HEXIM1: variants seen among roughly 807,000 people sequenced by gnomAD.
HEXIM1 encodes the protein HEXIM P-TEFb complex subunit 1.
HEXIM1 carries 1 observed loss-of-function variant against 30.3 expected under a neutral mutation model. That is an observed-to-expected ratio of 0.03 (90% CI 0.01 to 0.16). HEXIM1 has a LOEUF of 0.16. Among genes scored for constraint, HEXIM1 ranks in the 10% least tolerant of loss-of-function variants. The pLI is 1.00. For missense variants in HEXIM1, 391 were observed against 476.4 expected, an observed-to-expected ratio of 0.82 and a Z score of 1.67; for synonymous variants, 245 against 208.3, an observed-to-expected ratio of 1.18 and a Z score of -1.52.
Position 45,150,484 on chromosome 17 carries a change from GT to G in HEXIM1, c.*218del. 1.9e-6 allele frequency: 1 copy of G among 537,438 alleles called. No homozygotes were observed. Among genetic ancestry groups the G allele is most frequent in the East Asian group, 3.2e-5 (1 of 31,480 alleles). 33.3% of individuals were successfully genotyped at this position (537,438 alleles called of 1,614,324 possible). A position where few individuals can be genotyped will look rare whatever the true frequency, so the allele number is the denominator to read the frequency against. ...GTGAAACTGAAGAGTTGCTTTTCTTGTTTTCCTTTTTAGAAGTTTTTTTCCT... is the reference window on the plus strand; with the variant it reads ...GTGAAACTGAAGAGTTGCTTTTCTTGTTTCCTTTTTAGAAGTTTTTTTCCT... On this transcript the variant is annotated 3_prime_UTR_variant, in exon 1 of 1. Coordinates refer to ENST00000332499, the MANE Select transcript of HEXIM1 (RefSeq NM_006460.3).
At position 45,149,105 on chromosome 17, in the gene HEXIM1, C is replaced by CTT. The variant is rs111687345; in HGVS notation, c.-82_-81dup. ...GACTCTGTTGGACTGTTTTTTTTTT[C>CTT]TTTTTCTTTTTTTTAAGAAAAACCC... is the stretch of plus-strand genomic sequence containing the variant. On this transcript the variant is annotated 5_prime_UTR_variant, in exon 1 of 1. Transcript: ENST00000332499. This position sits in a 1 kb window ranked among gnomAD's most constrained non-coding sequence, Gnocchi z 5.3. The CTT allele has an allele frequency of 0.057, 63,740 of 1,128,036 alleles. 1,087 individuals are homozygous for CTT. The highest frequency in any genetic ancestry group is 0.087 in the African/African-American group (5,177 of 59,436). 69.9% of individuals were successfully genotyped at this position (1,128,036 alleles called of 1,614,324 possible).
At position 45,149,371 on chromosome 17, in the gene HEXIM1, C is replaced by A; in HGVS notation, c.181C>A (p.Pro61Thr). 6.2e-7 allele frequency: 1 copy of A among 1,613,384 alleles called. No individual in the cohort carries two copies. The highest frequency in any genetic ancestry group is 8.5e-7 in the Non-Finnish European group (1 of 1,179,924). Residue 61 changes from proline to threonine, a missense_variant, in exon 1 of 1, where the codon CCG (proline) becomes ACG (threonine). Pro to Thr is a conservative substitution (Grantham distance 38). Transcript: ENST00000332499. This position sits in a 1 kb window ranked among gnomAD's most constrained non-coding sequence, Gnocchi z 5.3. ...AFPQLGGRPGPEGEGSLESQP... is the reference protein window; with the variant it reads ...AFPQLGGRPGTEGEGSLESQP... ...CCCCCAGTTGGGTGGCCGTCCGGGG[C>A]CGGAGGGGGAAGGGAGCCTGGAATC...
chr17:45,149,242 T>TGTACA lies in HEXIM1; in HGVS notation c.54_58dup (p.Gly20ValfsTer11). The TGTACA allele has an allele frequency of 6.2e-7, 1 of 1,613,840 alleles. No homozygotes were observed. Among genetic ancestry groups the TGTACA allele is most frequent in the Non-Finnish European group, 8.5e-7 (1 of 1,180,024 alleles). Reference sequence around the variant, plus strand: ...TCAACACCAGCCTCAAACTAGCAACTGTACAGGTGCTGCTGCTGTCCAGGA... The same window carrying TGTACA: ...TCAACACCAGCCTCAAACTAGCAACTGTACAGTACAGGTGCTGCTGCTGTCCAGGA... On this transcript the variant is annotated frameshift_variant, in exon 1 of 1. Transcript: ENST00000332499. LOFTEE classifies it high-confidence loss of function. This position sits in a 1 kb window ranked among gnomAD's most constrained non-coding sequence, Gnocchi z 5.3.
In HEXIM1 at chr17:45,148,769, C is replaced by T. The variant is rs1302538407; in HGVS notation, c.-422C>T. On this transcript the variant is annotated 5_prime_UTR_variant, in exon 1 of 1. Transcript: ENST00000332499. ...GGGCTCTGCGGCAGGGGATTTAACC[C>T]TTTGTGGATCTGGCCCCTCGGAGGC... 2 of 402,838 alleles carry T rather than the reference C, an allele frequency of 5.0e-6. No individual in the cohort carries two copies. Among genetic ancestry groups the T allele is most frequent in the Non-Finnish European group, 8.8e-6 (2 of 228,318 alleles). The allele number at this position is 402,838 out of a possible 1,614,324, so 25.0% of individuals were successfully genotyped here.
At position 45,149,069 on chromosome 17, in the gene HEXIM1, A is replaced by G; in HGVS notation, c.-122A>G. ...CTAAAGGCGTCACTGCAGGAATTAC[A>G]AACTGAAGAGGACTCTGTTGGACTG... On this transcript the variant is annotated 5_prime_UTR_variant, in exon 1 of 1. Coordinates refer to ENST00000332499, the MANE Select transcript of HEXIM1 (RefSeq NM_006460.3). The surrounding 1 kb of genome is among the most constrained non-coding windows in gnomAD (Gnocchi z 5.3). 1.9e-6 allele frequency: 2 copies of G among 1,038,300 alleles called. No homozygotes were observed. Among genetic ancestry groups the G allele is most frequent in the South Asian group, 1.6e-5 (1 of 61,386 alleles). The allele number at this position is 1,038,300 out of a possible 1,614,324, so 64.3% of individuals were successfully genotyped here. A position where few individuals can be genotyped will look rare whatever the true frequency, so the allele number is the denominator to read the frequency against.
chr17:45,151,988 C>T lies in HEXIM1; in HGVS notation c.*1718C>T. Reference sequence around the variant, plus strand: ...TTATACCAGTAGGACTGAATCAGGGCCTTCAAAGCTGGACTGAGTTGGTCC... The same window carrying T: ...TTATACCAGTAGGACTGAATCAGGGTCTTCAAAGCTGGACTGAGTTGGTCC... On this transcript the variant is annotated 3_prime_UTR_variant, in exon 1 of 1. Coordinates refer to ENST00000332499, the MANE Select transcript of HEXIM1 (RefSeq NM_006460.3). 1 of 167,206 alleles carries T rather than the reference C, an allele frequency of 6.0e-6. No homozygotes were observed. The allele number at this position is 167,206 out of a possible 1,614,324, so 10.4% of individuals were successfully genotyped here.
In HEXIM1 at chr17:45,149,402, C is replaced by G. The variant is rs1024700122; in HGVS notation, c.212C>G (p.Pro71Arg). Reference sequence around the variant, plus strand: ...GGGGAAGGGAGCCTGGAATCCCAACCACCTCCCTTGCAGACCCAGGCCTGT... The same window carrying G: ...GGGGAAGGGAGCCTGGAATCCCAACGACCTCCCTTGCAGACCCAGGCCTGT... Reference protein sequence around the residue: ...PEGEGSLESQPPPLQTQACPE... With the variant: ...PEGEGSLESQRPPLQTQACPE... Residue 71 changes from proline to arginine, a missense_variant, in exon 1 of 1, where the codon CCA becomes CGA. Pro to Arg is a moderately radical substitution (Grantham distance 103, BLOSUM62 -2). Coordinates refer to ENST00000332499, the MANE Select transcript of HEXIM1 (RefSeq NM_006460.3). This position sits in a 1 kb window ranked among gnomAD's most constrained non-coding sequence, Gnocchi z 5.3. 2.5e-6 allele frequency: 4 copies of G among 1,613,362 alleles called. No homozygotes were observed. Among genetic ancestry groups the G allele is most frequent in the Non-Finnish European group, 2.5e-6 (3 of 1,179,946 alleles).
chr17:45,149,528 C>T lies in HEXIM1; in HGVS notation c.338C>T (p.Pro113Leu), dbSNP rs1210709779. 1.2e-6 allele frequency: 2 copies of T among 1,606,874 alleles called. No homozygotes were observed. The highest frequency in any genetic ancestry group is 8.5e-7 in the Non-Finnish European group (1 of 1,177,242). Reference sequence around the variant, plus strand: ...CCGCCGGCAGAAGTGGAACCGACGCCCGAGGCCGAGCTGCTCGCCCAGCCT... The same window carrying T: ...CCGCCGGCAGAAGTGGAACCGACGCTCGAGGCCGAGCTGCTCGCCCAGCCT... ...FPPPAEVEPT[P>L]EAELLAQPCH... Residue 113 changes from proline to leucine, a missense_variant, in exon 1 of 1, where the codon CCC becomes CTC. This residue lies in a region of HEXIM1 where 230 missense variants were observed against 199.4 expected (regional missense o/e 1.15). Coordinates refer to ENST00000332499, the MANE Select transcript of HEXIM1 (RefSeq NM_006460.3). This position sits in a 1 kb window ranked among gnomAD's most constrained non-coding sequence, Gnocchi z 5.3.
Position 45,149,237 on chromosome 17 carries a change from G to C in HEXIM1, c.47G>C (p.Ser16Thr), listed in dbSNP as rs373817429. The C allele has an allele frequency of 1.2e-5, 19 of 1,613,612 alleles. No homozygotes were observed. In the African/African-American group the frequency reaches 2.3e-4, roughly 19 times the overall value. Residue 16 changes from serine (S) to threonine (T), a missense_variant, in exon 1 of 1, where the codon AGC becomes ACC. Coordinates refer to ENST00000332499, the MANE Select transcript of HEXIM1 (RefSeq NM_006460.3). The surrounding 1 kb of genome is among the most constrained non-coding windows in gnomAD (Gnocchi z 5.3). ...GAATATCAACACCAGCCTCAAACTA[G>C]CAACTGTACAGGTGCTGCTGCTGTC... ...LSEYQHQPQTSNCTGAAAVQE... is the reference protein window; with the variant it reads ...LSEYQHQPQTTNCTGAAAVQE...
chr17:45,150,389 T>G lies in HEXIM1; in HGVS notation c.*119T>G. ...TTATGACACATAATCAGAAGAGAAA[T>G]CCCCCTGGCTTTGGTTTCGTAAATT... On this transcript the variant is annotated 3_prime_UTR_variant, in exon 1 of 1. Transcript: ENST00000332499. The G allele has an allele frequency of 8.4e-7, 1 of 1,192,760 alleles. No individual in the cohort carries two copies. Among genetic ancestry groups the G allele is most frequent in the South Asian group, 1.6e-5 (1 of 62,374 alleles). The allele number at this position is 1,192,760 out of a possible 1,614,324, so 73.9% of individuals were successfully genotyped here.
chr17:45,149,732 AAC>A lies in HEXIM1; in HGVS notation c.544_545del (p.Gln182GlufsTer22). ...GAAGAGAAGAAAAAGTTCGACGAGA[AAC>A]AGAGCCTTCGAGCTTCAAGGATCCG... On this transcript the variant is annotated frameshift_variant, in exon 1 of 1. Coordinates refer to ENST00000332499, the MANE Select transcript of HEXIM1 (RefSeq NM_006460.3). LOFTEE classifies it high-confidence loss of function. The surrounding 1 kb of genome is among the most constrained non-coding windows in gnomAD (Gnocchi z 5.3). The A allele has an allele frequency of 6.2e-7, 1 of 1,613,582 alleles. No homozygotes were observed. Among genetic ancestry groups the A allele is most frequent in the Non-Finnish European group, 8.5e-7 (1 of 1,180,000 alleles).
rs1368307115 is a variant in HEXIM1, at chr17:45,149,148, C to T, written c.-43C>T. 8 of 1,496,016 alleles carry T rather than the reference C, an allele frequency of 5.3e-6. No homozygotes were observed. The highest frequency in any genetic ancestry group is 2.4e-5 in the East Asian group (1 of 42,470). The allele number at this position is 1,496,016 out of a possible 1,614,324, so 92.7% of individuals were successfully genotyped here. On this transcript the variant is annotated 5_prime_UTR_variant, in exon 1 of 1. Transcript: ENST00000332499. This position sits in a 1 kb window ranked among gnomAD's most constrained non-coding sequence, Gnocchi z 5.3. ...AAAAACCCATTTTTTTCCTTAAGGA[C>T]TTACTAGCCAAAATTTCTTAAACTT...
In HEXIM1 at chr17:45,150,039, C is replaced by T. The variant is rs1278714877; in HGVS notation, c.849C>T (p.Ser283=). 2.5e-6 allele frequency: 4 copies of T among 1,614,066 alleles called. No homozygotes were observed. Among genetic ancestry groups the T allele is most frequent in the Non-Finnish European group, 3.4e-6 (4 of 1,180,030 alleles). The change falls in exon 1 of 1, where the codon AGC becomes AGT. Residue 283 remains serine (S), a synonymous_variant. Transcript: ENST00000332499. ...RYHTESLQNM[S]KQELIKEYLE... ...ACACGGAGAGCCTGCAGAACATGAG[C>T]AAGCAGGAGCTCATCAAGGAGTACC...
rs1340380408 is a variant in HEXIM1, at chr17:45,150,386, A to G, written c.*116A>G. On this transcript the variant is annotated 3_prime_UTR_variant, in exon 1 of 1. Transcript: ENST00000332499. ...TTTTTATGACACATAATCAGAAGAGAAATCCCCCTGGCTTTGGTTTCGTAA... is the reference window on the plus strand; with the variant it reads ...TTTTTATGACACATAATCAGAAGAGGAATCCCCCTGGCTTTGGTTTCGTAA... 2 of 1,257,306 alleles carry G rather than the reference A, an allele frequency of 1.6e-6. No homozygotes were observed. The highest frequency in any genetic ancestry group is 2.4e-5 in the African/African-American group (1 of 41,052). The allele number at this position is 1,257,306 out of a possible 1,614,324, so 77.9% of individuals were successfully genotyped here. A position where few individuals can be genotyped will look rare whatever the true frequency, so the allele number is the denominator to read the frequency against.
At position 45,149,637 on chromosome 17, in the gene HEXIM1, G is replaced by C. The variant is rs779434293; in HGVS notation, c.447G>C (p.Gly149=). 1.2e-6 allele frequency: 2 copies of C among 1,612,896 alleles called. No homozygotes were observed. The highest frequency in any genetic ancestry group is 2.7e-5 in the African/African-American group (2 of 74,864). The change falls in exon 1 of 1, where the codon GGG becomes GGC. Residue 149 remains glycine, a synonymous_variant. Coordinates refer to ENST00000332499, the MANE Select transcript of HEXIM1 (RefSeq NM_006460.3). The surrounding 1 kb of genome is among the most constrained non-coding windows in gnomAD (Gnocchi z 5.3). Reference sequence around the variant, plus strand: ...GGGGACAGCAGCAGAGACAGCTGGGGAAGAAAAAACATAGGAGACGCCCGT... The same window carrying C: ...GGGGACAGCAGCAGAGACAGCTGGGCAAGAAAAAACATAGGAGACGCCCGT... The part of the protein sequence containing the change: ...EEWGQQQRQL[G]KKKHRRRPSK...
chr17:45,149,542 C>G lies in HEXIM1; in HGVS notation c.352C>G (p.Leu118Val). 2 of 1,606,264 alleles carry G rather than the reference C, an allele frequency of 1.2e-6. No homozygotes were observed. The highest frequency in any genetic ancestry group is 1.7e-6 in the Non-Finnish European group (2 of 1,176,942). The change falls in exon 1 of 1, where the codon CTC (leucine) becomes GTC (valine). Residue 118 changes from leucine to valine, a missense_variant. Leu to Val is a conservative substitution (Grantham distance 32). Transcript: ENST00000332499. The surrounding 1 kb of genome is among the most constrained non-coding windows in gnomAD (Gnocchi z 5.3). ...EVEPTPEAEL[L>V]AQPCHDSEAS... The stretch of plus-strand genomic sequence containing the variant: ...GGAACCGACGCCCGAGGCCGAGCTG[C>G]TCGCCCAGCCTTGTCATGACTCCGA...
rs7216041 is a variant in HEXIM1 at position 45,149,111 on chromosome 17, C to T, written c.-80C>T. On this transcript the variant is annotated 5_prime_UTR_variant, in exon 1 of 1. Transcript: ENST00000332499. This position sits in a 1 kb window ranked among gnomAD's most constrained non-coding sequence, Gnocchi z 5.3. ...GTTGGACTGTTTTTTTTTTCTTTTT[C>T]TTTTTTTTAAGAAAAACCCATTTTT... 0.34 allele frequency: 315,383 copies of T among 919,380 alleles called. 43,556 individuals are homozygous for T. Among genetic ancestry groups the T allele is most frequent in the African/African-American group, 0.56 (32,802 of 58,100 alleles). 57.0% of individuals were successfully genotyped at this position (919,380 alleles called of 1,614,324 possible).
rs1567917292 is a variant in HEXIM1 at position 45,148,475 on chromosome 17, AGCAGTTGGAAGTTG to A, written c.-711_-698del. 5 of 396,804 alleles carry A rather than the reference AGCAGTTGGAAGTTG, an allele frequency of 1.3e-5. No homozygotes were observed. Among genetic ancestry groups the A allele is most frequent in the African/African-American group, 2.1e-5 (1 of 48,394 alleles). The allele number at this position is 396,804 out of a possible 1,614,324, so 24.6% of individuals were successfully genotyped here. A position where few individuals can be genotyped will look rare whatever the true frequency, so the allele number is the denominator to read the frequency against. On this transcript the variant is annotated 5_prime_UTR_variant, in exon 1 of 1. Transcript: ENST00000332499. ...AAAGGGGCGCAGAGGACTGGGAGACAGCAGTTGGAAGTTGGCAGGTGGAGAGGCAGGTTGGGAGG... is the reference window on the plus strand; with the variant it reads ...AAAGGGGCGCAGAGGACTGGGAGACAGCAGGTGGAGAGGCAGGTTGGGAGG...
rs1342267787 is a variant in HEXIM1 at position 45,150,150 on chromosome 17, G to A, written c.960G>A (p.Ala320=). 2 of 1,613,392 alleles carry A rather than the reference G, an allele frequency of 1.2e-6. No homozygotes were observed. The highest frequency in any genetic ancestry group is 1.7e-6 in the Non-Finnish European group (2 of 1,180,046). ...GCAAGCGGCTGGGTGGCGACGACGCGCGTGTGCGGGAGCTGGAGCTGGAGC... is the reference window on the plus strand; with the variant it reads ...GCAAGCGGCTGGGTGGCGACGACGCACGTGTGCGGGAGCTGGAGCTGGAGC... ...LESKRLGGDD[A]RVRELELELD... Residue 320 remains alanine (A), a synonymous_variant, in exon 1 of 1, where the codon GCG becomes GCA. Transcript: ENST00000332499.
Sources: allele counts gnomAD v4.1 joint callset, GRCh38; gene constraint gnomAD v4.1.1; regional missense constraint gnomAD v4.1.1; non-coding constraint Gnocchi (gnomAD v3.1); transcripts MANE v1.5; gene names NCBI Gene and HGNC (gene_info 2026-07-23, HGNC 2026-07-21).